Variants in CAMK1D observed in about 807,000 individuals in gnomAD.
CAMK1D encodes calcium/calmodulin-dependent protein kinase type 1D.
In CAMK1D, 9 loss-of-function variants were observed where a neutral mutation model predicts 47.7. The observed-to-expected ratio is 0.19, with a 90% CI of 0.11 to 0.33. The LOEUF is 0.33. CAMK1D is among the 10% of genes least tolerant of loss of function. The pLI is 1.00. For synonymous variants in CAMK1D, 184 were observed against 184.9 expected, an observed-to-expected ratio of 0.99 and a Z score of 0.04; for missense variants, 291 against 488.7, an observed-to-expected ratio of 0.60 and a Z score of 3.81.
At chr10:12,734,411 C>A in intron 3 of CAMK1D, among the ~76,000 whole-genome samples, 2 of 10,168 alleles carry the variant, frequency 2.0e-4, no homozygotes, top group Non-Finnish European at 3.3e-4. Flanking sequence ...TATATACACA[C>A]ACACACACAT....
chr10:12,468,759 C>A (rs1451399980), intron 1 of CAMK1D, among the ~76,000 whole-genome samples: 7 of 152,176 alleles, frequency 4.6e-5, no homozygotes, highest in Admixed American at 4.6e-4. Context: ...TAAGTCTGAT[C>A]TGCACCCAAA....
chr10:12,450,989 C>T (rs72769623), intron 1 of CAMK1D, among the ~76,000 whole-genome samples: 3,891 of 152,250 alleles, frequency 0.026, 58 homozygotes, highest in Middle Eastern at 0.082. Context: ...AGACCTCCCA[C>T]CTAGACCTGC....
chr10:12,424,649 TA>T (rs974391978), intron 1 of CAMK1D, among the ~76,000 whole-genome samples: 2 of 152,098 alleles, frequency 1.3e-5, no homozygotes, highest in African/African-American at 4.8e-5. Context: ...TTCCTCTGTT[TA>T]AAACCCATCA....
chr10:12,491,697 A>G (rs1053062266), intron 1 of CAMK1D, among the ~76,000 whole-genome samples: 4 of 152,132 alleles, frequency 2.6e-5, no homozygotes, highest in African/African-American at 9.7e-5. Flanking sequence ...AGTCTGGCAC[A>G]GGAAGGCCGG....
At chr10:12,595,176 T>C (rs1289915446) in intron 2 of CAMK1D, among the ~76,000 whole-genome samples, 1 of 151,380 alleles carries the variant, frequency 6.6e-6, no homozygotes, top group Non-Finnish European at 1.5e-5. Context: ...ACTCCGTCTC[T>C]ACTAAAAATA....
At chr10:12,387,397 T>TA (rs199871181) in intron 1 of CAMK1D, among the ~76,000 whole-genome samples, 44,381 of 76,162 alleles carry the variant, frequency 0.58, 12,418 homozygotes, top group Non-Finnish European at 0.68. Context: ...ATATTATATA[T>TA]TTTTATATAT....
intron 1 of CAMK1D, among the ~76,000 whole-genome samples, chr10:12,362,599 G>T (rs1837703683): frequency 6.6e-6 from 1 of 152,116 alleles, no homozygotes; most frequent in Non-Finnish European, 1.5e-5. Flanking sequence ...CCGGGTTCCC[G>T]CCATTCTCCT....
In CAMK1D at chr10:12,734,391, GATATATAT is replaced by G. The variant is rs1232057007; in HGVS notation, c.300-26549_300-26542del. 2.5e-4 allele frequency among the ~76,000 whole-genome samples: 6 copies of G among 24,344 alleles called. 1 individual carries two copies. The highest frequency in any genetic ancestry group is 6.1e-4 in the Admixed American group (1 of 1,628). 16.0% of individuals were successfully genotyped at this position (24,344 alleles called of 152,430 possible). On this transcript the variant is annotated intron_variant, in intron 3 of 10. Transcript: ENST00000619168. ...ATATATATATATAGATATAGATATA[GATATATAT>G]ATATATACACACACACACACATGTA...
At chr10:12,816,639 G>A (rs1431579060) in intron 8 of CAMK1D, among the ~76,000 whole-genome samples, 1 of 151,972 alleles carries the variant, frequency 6.6e-6, no homozygotes, top group African/African-American at 2.4e-5. Flanking sequence ...GGGAGGCTGA[G>A]GTGGGTGGAT....
At chr10:12,422,140 C>T (rs954719041) in intron 1 of CAMK1D, among the ~76,000 whole-genome samples, 1 of 152,096 alleles carries the variant, frequency 6.6e-6, no homozygotes, top group African/African-American at 2.4e-5. Flanking sequence ...CCTGATCATG[C>T]CCTTGTGGTT....
At chr10:12,749,669 CT>C (rs1835858608) in intron 3 of CAMK1D, among the ~76,000 whole-genome samples, 2 of 152,150 alleles carry the variant, frequency 1.3e-5, no homozygotes, top group South Asian at 4.2e-4. Context: ...AGCAATTCTC[CT>C]GCCTCAGCCT....
At chr10:12,419,637 A>T (rs936633013) in intron 1 of CAMK1D, among the ~76,000 whole-genome samples, 1 of 103,652 alleles carries the variant, frequency 9.6e-6, no homozygotes, top group African/African-American at 3.7e-5. Flanking sequence ...CAGAAGAGAA[A>T]ATGCACACAC....
At chr10:12,523,107 A>G (rs1265596722) in intron 1 of CAMK1D, among the ~76,000 whole-genome samples, 1 of 145,824 alleles carries the variant, frequency 6.9e-6, no homozygotes, top group East Asian at 2.1e-4. Flanking sequence ...CACTTCTCAG[A>G]CGGGGCGGCT....
chr10:12,635,014 C>A (rs561227100), intron 2 of CAMK1D, among the ~76,000 whole-genome samples: 36 of 152,182 alleles, frequency 2.4e-4, no homozygotes, highest in African/African-American at 8.7e-4. Context: ...CAGCCGTGAC[C>A]CAGACAGACA....
At chr10:12,485,107 G>A (rs1031343359) in intron 1 of CAMK1D, among the ~76,000 whole-genome samples, 1 of 152,206 alleles carries the variant, frequency 6.6e-6, no homozygotes, top group African/African-American at 2.4e-5. Context: ...CTCCCCATAC[G>A]GGTATTTCTA....
intron 1 of CAMK1D, among the ~76,000 whole-genome samples, chr10:12,446,742 G>A (rs1832935955): frequency 6.6e-6 from 1 of 152,198 alleles, no homozygotes; most frequent in Admixed American, 6.5e-5. Flanking sequence ...TTTACAGCAA[G>A]CTCTATGCCG....
At chr10:12,541,669 A>G (rs1358837503) in intron 1 of CAMK1D, among the ~76,000 whole-genome samples, 1 of 151,462 alleles carries the variant, frequency 6.6e-6, no homozygotes. Flanking sequence ...TGACTTCACT[A>G]CTGTTATGGT....
intron 4 of CAMK1D, among the ~76,000 whole-genome samples, chr10:12,763,685 C>T (rs1184192088): frequency 6.6e-6 from 1 of 152,094 alleles, no homozygotes; most frequent in African/African-American, 2.4e-5. Context: ...AAAATTGCCC[C>T]TAGTTGAGAA....
At chr10:12,537,567 A>G (rs1332055362) in intron 1 of CAMK1D, among the ~76,000 whole-genome samples, 1 of 152,138 alleles carries the variant, frequency 6.6e-6, no homozygotes, top group Non-Finnish European at 1.5e-5. Flanking sequence ...GTGAGTGTTG[A>G]GCATCAGTTA....
Sources: allele counts gnomAD v4.1 joint callset (sites outside exome capture counted in the v4.1 genomes callset), GRCh38; gene constraint gnomAD v4.1.1; transcripts MANE v1.5; gene names NCBI Gene and HGNC (gene_info 2026-07-23, HGNC 2026-07-21).